Variants in SEMA6D observed in about 807,000 individuals in gnomAD.
SEMA6D encodes the protein semaphorin 6D.
SEMA6D carries 35 observed loss-of-function variants against 106.6 expected under a neutral mutation model. That is an observed-to-expected ratio of 0.33 (90% confidence interval 0.25 to 0.44). SEMA6D has a LOEUF of 0.44. Among genes scored for constraint, SEMA6D ranks in the 20% least tolerant of loss-of-function variants. SEMA6D has a pLI of 1.00. For synonymous variants in SEMA6D, 499 were observed against 487.7 expected (o/e 1.02, Z -0.31); for missense variants, 1,185 against 1,345.9 (o/e 0.88, Z 1.87).
At chr15:47,472,147 C>T (rs2042869551) in intron 3 of SEMA6D, among the ~76,000 whole-genome samples, 1 of 152,112 alleles carries the variant, frequency 6.6e-6, no homozygotes, top group Non-Finnish European at 1.5e-5. Context: ...AGTTTGAGAC[C>T]ATATTACCTT....
At position 47,310,847 on chromosome 15, in the gene SEMA6D, G is replaced by A. The variant is rs143722175; in HGVS notation, c.-238-101546G>A. On this transcript the variant is annotated intron_variant, in intron 1 of 19. Transcript: ENST00000558014. ...TTATCTGCAAAAAGTAGACATGTAA[G>A]TTCTAGTTCCTTCGTTGTGCCGTTT... Among the ~76,000 whole-genome samples, 873 of 152,256 alleles carry A rather than the reference G, an allele frequency of 5.7e-3. 14 individuals are homozygous for A. Among genetic ancestry groups the A allele is most frequent in the African/African-American group, 0.02 (828 of 41,550 alleles).
chr15:47,745,268 T>C (rs886951589), intron 1 of SEMA6D, among the ~76,000 whole-genome samples: 7 of 152,208 alleles, frequency 4.6e-5, no homozygotes, highest in Admixed American at 4.6e-4. Flanking sequence ...GATCTCTGGT[T>C]CAAGAACTCC....
intron 1 of SEMA6D, among the ~76,000 whole-genome samples, chr15:47,184,744 C>T (rs955827599): frequency 2.0e-5 from 3 of 152,234 alleles, no homozygotes; most frequent in African/African-American, 7.2e-5. Flanking sequence ...CGTGGCCCCA[C>T]CTCTTGCCCC....
At chr15:47,734,636 T>C (rs1286168877) in intron 1 of SEMA6D, among the ~76,000 whole-genome samples, 3 of 152,188 alleles carry the variant, frequency 2.0e-5, no homozygotes, top group Non-Finnish European at 4.4e-5. Context: ...TAATTTCTGG[T>C]CCTTGGTTTT....
chr15:47,248,097 C>A (rs2413867), intron 1 of SEMA6D, among the ~76,000 whole-genome samples: 114,164 of 152,124 alleles, frequency 0.75, 45,076 homozygotes, highest in Non-Finnish European at 0.89. Context: ...CCAACTGAAG[C>A]ATCATTACCT....
intron 1 of SEMA6D, among the ~76,000 whole-genome samples, chr15:47,222,300 C>T (rs1442698873): frequency 3.3e-5 from 5 of 152,194 alleles, no homozygotes; most frequent in Non-Finnish European, 7.3e-5. Context: ...CAGAAAGGGA[C>T]TGTTGCTTCC....
intron 1 of SEMA6D, among the ~76,000 whole-genome samples, chr15:47,244,972 A>G (rs1270149323): frequency 1.3e-5 from 2 of 151,772 alleles, no homozygotes; most frequent in Non-Finnish European, 2.9e-5. Flanking sequence ...TTCTGCAATA[A>G]TTCGCTTAGG....
At chr15:47,347,562 A>G (rs1484531900) in intron 1 of SEMA6D, among the ~76,000 whole-genome samples, 1 of 149,052 alleles carries the variant, frequency 6.7e-6, no homozygotes, top group Non-Finnish European at 1.5e-5. Context: ...AAAGTGTTCA[A>G]AGTAATAGTG....
In SEMA6D at chr15:47,771,076, A is replaced by G. The variant is rs1044900350; in HGVS notation, c.2513A>G (p.Asn838Ser). 3.1e-6 allele frequency: 5 copies of G among 1,614,040 alleles called. No homozygotes were observed. The highest frequency in any genetic ancestry group is 1.7e-5 in the Admixed American group (1 of 60,002). The change falls in exon 19 of 19, where the codon AAC becomes AGC. Residue 838 changes from asparagine to serine, a missense_variant. Around this residue, in one of 3 missense-constraint regions of SEMA6D, gnomAD observed 750 missense variants for 783.5 expected, o/e 0.96. Coordinates refer to ENST00000536845, the MANE Select transcript of SEMA6D (RefSeq NM_001358351.3). ...CTTCCAAATGCTACCCATGACTACA[A>G]CACGTCTTTCTCAAACTCCAATGCT... Reference protein sequence around the residue: ...IVLPNATHDYNTSFSNSNAHK... With the variant: ...IVLPNATHDYSTSFSNSNAHK...
chr15:47,274,500 T>G (rs1257171995), intron 1 of SEMA6D: 2 of 151,900 alleles, frequency 1.3e-5, no homozygotes, highest in Admixed American at 6.6e-5. Flanking sequence ...GCTCAATAAA[T>G]ACATAGTAAA....
intron 4 of SEMA6D, among the ~76,000 whole-genome samples, chr15:47,712,355 GA>G (rs2079037639): frequency 6.6e-6 from 1 of 152,152 alleles, no homozygotes; most frequent in Non-Finnish European, 1.5e-5. Flanking sequence ...AATAAGGATT[GA>G]GGGGCAAACA....
chr15:47,489,192 A>G (rs1240842437), intron 3 of SEMA6D, among the ~76,000 whole-genome samples: 1 of 152,130 alleles, frequency 6.6e-6, no homozygotes, highest in East Asian at 1.9e-4. Flanking sequence ...TGACGCTGCC[A>G]CAGCCAAGGA....
intron 4 of SEMA6D, among the ~76,000 whole-genome samples, chr15:47,622,372 CCT>C (rs1315471872): frequency 6.6e-6 from 1 of 152,092 alleles, no homozygotes; most frequent in African/African-American, 2.4e-5. Context: ...TCTAATGTTA[CCT>C]CTCTCCTCAG....
In SEMA6D at chr15:47,362,069, C is replaced by T. The variant is rs149215275; in HGVS notation, c.-238-50324C>T. 3.3e-3 allele frequency among the ~76,000 whole-genome samples: 510 copies of T among 152,252 alleles called. 3 individuals are homozygous for T. The highest frequency in any genetic ancestry group is 4.1e-3 in the Non-Finnish European group (279 of 68,026). On this transcript the variant is annotated intron_variant, in intron 1 of 19. Coordinates refer to the SEMA6D transcript ENST00000558014. ...ACATTGATTTCTGTGGTCACCTTCT[C>T]TAAATTATTGAAAGTTGAGTAGACT...
intron 3 of SEMA6D, among the ~76,000 whole-genome samples, chr15:47,565,180 A>G (rs1020619816): frequency 6.6e-5 from 10 of 152,232 alleles, no homozygotes; most frequent in Non-Finnish European, 1.3e-4. Context: ...AGAGCACCGT[A>G]ACATGCCCAC....
intron 2 of SEMA6D, among the ~76,000 whole-genome samples, chr15:47,446,664 A>C (rs1295572651): frequency 2.6e-5 from 4 of 152,132 alleles, no homozygotes; most frequent in Admixed American, 2.6e-4. Flanking sequence ...TGTTATTTTA[A>C]TAATAAATCT....
intron 4 of SEMA6D, among the ~76,000 whole-genome samples, chr15:47,689,807 G>A (rs192073637): frequency 7.1e-4 from 108 of 152,314 alleles, no homozygotes; most frequent in Non-Finnish European, 1.3e-3. Flanking sequence ...ATGTCTCTCC[G>A]CAGAGGACTG....
intron 1 of SEMA6D, among the ~76,000 whole-genome samples, chr15:47,303,547 G>A (rs2036106155): frequency 6.6e-6 from 1 of 152,146 alleles, no homozygotes; most frequent in Non-Finnish European, 1.5e-5. Flanking sequence ...TGTAGTAAAT[G>A]TCTGACATTA....
intron 1 of SEMA6D, among the ~76,000 whole-genome samples, chr15:47,282,300 G>T (rs1267384745): frequency 6.6e-6 from 1 of 152,118 alleles, no homozygotes; most frequent in Non-Finnish European, 1.5e-5. Context: ...TGAATTTTGT[G>T]TAAACGGATT....
Sources: allele counts gnomAD v4.1 joint callset (sites outside exome capture counted in the v4.1 genomes callset), GRCh38; gene constraint gnomAD v4.1.1; regional missense constraint gnomAD v4.1.1; transcripts MANE v1.5; gene names NCBI Gene and HGNC (gene_info 2026-07-23, HGNC 2026-07-21).